POLQ: variants seen among roughly 807,000 people sequenced by gnomAD.
POLQ encodes DNA polymerase theta, also known as epididymis secretory sperm binding protein.
A neutral mutation model predicts 259.2 loss-of-function variants in POLQ; 233 were observed. The ratio of observed to expected loss-of-function variants is 0.90; its 90% CI spans 0.81 to 1.00. The LOEUF (loss-of-function observed/expected upper bound fraction) is 1.00. POLQ is among the 50% of genes least tolerant of loss of function. The pLI is 0.00. For missense variants in POLQ, 2,871 were observed against 3,051.6 expected (o/e 0.94, Z 1.39); for synonymous variants, 1,025 against 1,048.8 (o/e 0.98, Z 0.44).
chr3:121,462,645 A>G (rs1180099160), intron 24 of POLQ, among the ~76,000 whole-genome samples: 2 of 152,226 alleles, frequency 1.3e-5, no homozygotes, highest in Non-Finnish European at 2.9e-5. Context: ...CAAATACTGC[A>G]TAGCTTTCAG....
chr3:121,437,320 G>T (rs1274414624), intron 27 of POLQ, among the ~76,000 whole-genome samples: 1 of 152,026 alleles, frequency 6.6e-6, no homozygotes, highest in African/African-American at 2.4e-5. Context: ...CCAGTAACAG[G>T]TTCCTACAAA....
chr3:121,463,091 A>G (rs2047806056), intron 24 of POLQ, among the ~76,000 whole-genome samples: 2 of 152,218 alleles, frequency 1.3e-5, no homozygotes, highest in African/African-American at 4.8e-5. Context: ...CAAATAACAC[A>G]CCTGATAAGG....
At chr3:121,473,170 A>G (rs1359542849) in intron 21 of POLQ, among the ~76,000 whole-genome samples, 180 bp downstream of exon 21, 1 of 152,282 alleles carries the variant, frequency 6.6e-6, no homozygotes, top group Non-Finnish European at 1.5e-5. Context: ...CGGATTTTCC[A>G]TGCTGGAATA....
At chr3:121,483,050 C>T (rs2047983016) in intron 18 of POLQ, among the ~76,000 whole-genome samples, 1 of 152,154 alleles carries the variant, frequency 6.6e-6, no homozygotes, top group South Asian at 2.1e-4. Context: ...TTAAGACCTC[C>T]TGCTATCATA....
chr3:121,496,989 C>G, intron 13 of POLQ, 57 bp from the exon 14 acceptor site: 3 of 1,578,914 alleles, frequency 1.9e-6, no homozygotes, highest in Admixed American at 3.8e-5. Flanking sequence ...CTAGGCGATA[C>G]AGTGTGTTGA....
chr3:121,479,485 C>A lies in POLQ; in HGVS notation c.6211+2087G>T, dbSNP rs561963258. On this transcript the variant is annotated intron_variant, in intron 19 of 29. Coordinates refer to ENST00000264233, the MANE Select transcript of POLQ (RefSeq NM_199420.4). Reference sequence around the variant, plus strand: ...TGTTTGTTTGTTTGTTTTTGTGATACAGATCCTCACTCTATTGCCCAGACT... The same window carrying A: ...TGTTTGTTTGTTTGTTTTTGTGATAAAGATCCTCACTCTATTGCCCAGACT... Among the ~76,000 whole-genome samples the A allele has an allele frequency of 2.0e-5, 3 of 151,926 alleles. No homozygotes were observed. The South Asian group carries it at 6.2e-4, about 32-fold the overall frequency.
chr3:121,459,275 C>T (rs938917628), intron 25 of POLQ, among the ~76,000 whole-genome samples: 4 of 151,698 alleles, frequency 2.6e-5, no homozygotes, highest in African/African-American at 9.7e-5. Flanking sequence ...CATTTAGAGA[C>T]CACCTTCTGT....
chr3:121,473,193 T>C (rs1175032086), intron 21 of POLQ, among the ~76,000 whole-genome samples, 157 bp downstream of exon 21: 2 of 152,236 alleles, frequency 1.3e-5, no homozygotes, highest in Non-Finnish European at 2.9e-5. Flanking sequence ...TCCACAGAAT[T>C]TGTGGGCTAC....
intron 7 of POLQ, among the ~76,000 whole-genome samples, chr3:121,527,790 G>T (rs976868683): frequency 6.6e-6 from 1 of 152,078 alleles, no homozygotes; most frequent in African/African-American, 2.4e-5. Flanking sequence ...TGGTCCCATG[G>T]TATTATTCAA....
At chr3:121,505,115 G>A (rs1409133759) in intron 12 of POLQ, among the ~76,000 whole-genome samples, 1 of 152,072 alleles carries the variant, frequency 6.6e-6, no homozygotes, top group African/African-American at 2.4e-5. Context: ...GAGAGTTCTC[G>A]TGAGATCTGG....
Position 121,489,351 on chromosome 3 carries a change from G to C in POLQ, c.3580C>G (p.Gln1194Glu), listed in dbSNP as rs753134096. The change falls in exon 16 of 30, where the codon CAG becomes GAG. Residue 1194 changes from glutamine to glutamate, a missense_variant. Gln to Glu is a conservative substitution (Grantham distance 29). Around this residue, in one of 3 missense-constraint regions of POLQ, gnomAD observed 2,080 missense variants for 2,126.0 expected, o/e 0.98. Coordinates refer to ENST00000264233, the MANE Select transcript of POLQ (RefSeq NM_199420.4). ...TCATGAGATTGCTTTCGCAGGTACT[G>C]GTTAATTGGATGGATGTCATGGTGT... ...MKHHDIHPIN[Q>E]YLRKQSHEQT... 6.2e-7 allele frequency: 1 copy of C among 1,613,322 alleles called. No homozygotes were observed. The highest frequency in any genetic ancestry group is 1.7e-5 in the Admixed American group (1 of 59,874).
chr3:121,532,412 A>G (rs969611953), intron 6 of POLQ, among the ~76,000 whole-genome samples: 3 of 152,068 alleles, frequency 2.0e-5, no homozygotes, highest in Admixed American at 6.6e-5. Flanking sequence ...AAGATCAGTT[A>G]TTTTTTTTAA....
In POLQ at chr3:121,487,632, G is replaced by A. The variant is rs1405029290; in HGVS notation, c.5299C>T (p.Gln1767Ter). 1 of 1,613,912 alleles carries A rather than the reference G, an allele frequency of 6.2e-7. No individual in the cohort carries two copies. Among genetic ancestry groups the A allele is most frequent in the South Asian group, 1.1e-5 (1 of 91,056 alleles). The stretch of plus-strand genomic sequence containing the variant: ...CCAAATAAATAACTTTCACCAGGTT[G>A]TAAAACATTATTAGTTTTCCAAGGG... ...VNPWKTNNVL[Q>*]PGESYLFGSP... The change falls in exon 16 of 30, where the codon CAA (glutamine) becomes TAA (stop). Residue 1767 changes from glutamine to a stop codon, truncating the protein, a stop_gained. Coordinates refer to ENST00000264233, the MANE Select transcript of POLQ (RefSeq NM_199420.4). LOFTEE classifies it high-confidence loss of function.
At chr3:121,452,486 T>C (rs1163940139) in intron 25 of POLQ, among the ~76,000 whole-genome samples, 11 of 128,414 alleles carry the variant, frequency 8.6e-5, no homozygotes, top group African/African-American at 2.6e-4. Context: ...TTTTTGTTGT[T>C]ACTCCTGTTT....
At position 121,487,774 on chromosome 3, in the gene POLQ, G is replaced by C; in HGVS notation, c.5157C>G (p.Ser1719=). 1.2e-6 allele frequency: 2 copies of C among 1,611,140 alleles called. No homozygotes were observed. Among genetic ancestry groups the C allele is most frequent in the Middle Eastern group, 1.7e-4 (1 of 6,046 alleles). ...TATTACTTTCTTTACGAGGTAAGAG[G>C]GATGAGGTTTCATCATGATTGGCAT... ...ENNANHDETS[S]LLPRKESNIV... Residue 1719 remains serine, a synonymous_variant, in exon 16 of 30, where the codon TCC becomes TCG. Coordinates refer to ENST00000264233, the MANE Select transcript of POLQ (RefSeq NM_199420.4).
intron 20 of POLQ, 110 bp from the exon 21 acceptor site, chr3:121,473,597 G>C (rs1210578121): frequency 2.1e-6 from 2 of 943,086 alleles, no homozygotes; most frequent in Non-Finnish European, 3.2e-6. Context: ...AACATGGATT[G>C]AAATAATGTT....
chr3:121,539,234 G>A (rs746256629), intron 4 of POLQ, among the ~76,000 whole-genome samples, 199 bp downstream of exon 4: 3 of 152,124 alleles, frequency 2.0e-5, no homozygotes, highest in East Asian at 1.9e-4. Context: ...AAAATGCAAC[G>A]TAACGGAGTC....
chr3:121,543,364 T>C (rs1472725387), intron 2 of POLQ, among the ~76,000 whole-genome samples: 2 of 152,236 alleles, frequency 1.3e-5, no homozygotes. Context: ...AGCTTTTATA[T>C]ATGAAATAAT....
Position 121,545,722 on chromosome 3 carries a change from T to C in POLQ, c.156A>G (p.Ala52=), listed in dbSNP as rs370730539. Residue 52 remains alanine, a synonymous_variant, in exon 1 of 30, where the codon GCA becomes GCG. Transcript: ENST00000264233. The stretch of plus-strand genomic sequence containing the variant: ...CCCGGGTTCCTGGAGCACCTGCAGC[T>C]GCGGCCTTCAGGCAGCGACCAAGGC... ...PPGLGRCLKA[A]AAGECKPTVP... 169 of 1,563,690 alleles carry C rather than the reference T, an allele frequency of 1.1e-4. No individual in the cohort carries two copies. The highest frequency in any genetic ancestry group is 1.4e-4 in the Non-Finnish European group (158 of 1,155,148).
Sources: allele counts gnomAD v4.1 joint callset (sites outside exome capture counted in the v4.1 genomes callset), GRCh38; gene constraint gnomAD v4.1.1; regional missense constraint gnomAD v4.1.1; transcripts MANE v1.5; gene names NCBI Gene and HGNC (gene_info 2026-07-23, HGNC 2026-07-21).